Variants in RAB37 observed in about 807,000 individuals in gnomAD.
RAB37 encodes ras-related protein Rab-37.
A neutral mutation model predicts 33.1 loss-of-function variants in RAB37; 29 were observed. The ratio of observed to expected loss-of-function variants is 0.88; its 90% CI spans 0.65 to 1.20. The LOEUF (loss-of-function observed/expected upper bound fraction) is 1.20, where lower values mean the gene tolerates loss of function less well. Ranked by LOEUF, RAB37 falls within the 50% of genes most tolerant of loss-of-function variation. RAB37 has a pLI of 0.00. For missense variants in RAB37, 299 were observed against 301.1 expected, an observed-to-expected ratio of 0.99 and a Z score of 0.05; for synonymous variants, 128 against 119.5, an observed-to-expected ratio of 1.07 and a Z score of -0.47.
At position 74,707,576 on chromosome 17, in the gene RAB37, G is replaced by A. The variant is rs545803794; in HGVS notation, c.73-21680G>A. Among the ~76,000 whole-genome samples the A allele has an allele frequency of 2.6e-4, 39 of 152,166 alleles. No homozygotes were observed. The East Asian group carries it at 7.2e-3, about 28-fold the overall frequency. On this transcript the variant is annotated intron_variant, in intron 1 of 7. Transcript: ENST00000340415. ...CTAAAAATACAAAAATTAACCAGGT[G>A]TGGTGGAGTGCACCTGTAATCCCAG...
At chr17:74,743,437 C>A in intron 5 of RAB37, 97 bp downstream of exon 5, 1 of 1,214,860 alleles carries the variant, frequency 8.2e-7, no homozygotes, top group Non-Finnish European at 1.2e-6. Flanking sequence ...GCGGGTGGAG[C>A]GTGGAGTCCT....
chr17:74,743,749 C>G (rs1471460999), intron 5 of RAB37, among the ~76,000 whole-genome samples: 1 of 152,094 alleles, frequency 6.6e-6, no homozygotes, highest in African/African-American at 2.4e-5. Flanking sequence ...TCCTCACAAC[C>G]AAACTATTAT....
intron 1 of RAB37, among the ~76,000 whole-genome samples, chr17:74,739,391 C>A (rs539409850): frequency 6.6e-6 from 1 of 152,166 alleles, no homozygotes; most frequent in Non-Finnish European, 1.5e-5. Context: ...TACTCCTGCC[C>A]GCACTACCCA....
chr17:74,703,201 C>A (rs1196306801), intron 1 of RAB37: 9 of 1,410,202 alleles, frequency 6.4e-6, no homozygotes, highest in Non-Finnish European at 9.0e-6. Context: ...CATGAGCCCA[C>A]CCGCAGCCCT....
intron 1 of RAB37, among the ~76,000 whole-genome samples, chr17:74,717,044 A>T (rs2143999171): frequency 6.6e-6 from 1 of 152,316 alleles, no homozygotes; most frequent in Non-Finnish European, 1.5e-5. Flanking sequence ...CTGAGGCAGG[A>T]GAATCACTTG....
intron 1 of RAB37, among the ~76,000 whole-genome samples, chr17:74,716,898 G>C (rs755014155): frequency 7.9e-5 from 12 of 152,140 alleles, no homozygotes; most frequent in Non-Finnish European, 1.6e-4. Context: ...CTTTGGGAGG[G>C]CAAGGTAGGC....
At chr17:74,737,243 G>A (rs769313640), upstream of RAB37, 14 of 1,543,828 alleles carry the variant, frequency 9.1e-6, no homozygotes, top group East Asian at 2.1e-4. Flanking sequence ...TCGCCTGCGG[G>A]CCGGCACTGC....
At position 74,730,888 on chromosome 17, in the gene RAB37, G is replaced by A. The variant is rs768453328; in HGVS notation, c.183+1522G>A. ...CTAGCTTGGCAAGAAAATTGAGGCC[G>A]ATTTCCTGTGAAGGAAAAAGAAAGT... On this transcript the variant is annotated intron_variant, in intron 2 of 7. Transcript: ENST00000340415. This position sits in a 1 kb window ranked among gnomAD's most constrained non-coding sequence, Gnocchi z 4.4. Among the ~76,000 whole-genome samples the A allele has an allele frequency of 3.9e-5, 6 of 152,212 alleles. No individual in the cohort carries two copies. Among genetic ancestry groups the A allele is most frequent in the Non-Finnish European group, 8.8e-5 (6 of 68,042 alleles).
chr17:74,689,988 G>A (rs1411397113), intron 1 of RAB37, among the ~76,000 whole-genome samples: 4 of 152,128 alleles, frequency 2.6e-5, no homozygotes, highest in Admixed American at 1.3e-4. Flanking sequence ...GCCTCACTCT[G>A]TCCCTGAGGC....
chr17:74,734,230 G>A (rs2034433815), upstream of RAB37, among the ~76,000 whole-genome samples: 1 of 152,142 alleles, frequency 6.6e-6, no homozygotes, highest in African/African-American at 2.4e-5. Flanking sequence ...GCATTCCTTG[G>A]CTTGCAGCCA....
At chr17:74,700,069 G>C (rs751793053) in intron 1 of RAB37, among the ~76,000 whole-genome samples, 3 of 151,988 alleles carry the variant, frequency 2.0e-5, no homozygotes, top group Non-Finnish European at 4.4e-5. Flanking sequence ...TTGAACCCAG[G>C]AGGCGGAGGT....
At chr17:74,706,066 G>A (rs907892947) in intron 1 of RAB37, among the ~76,000 whole-genome samples, 3 of 152,186 alleles carry the variant, frequency 2.0e-5, no homozygotes, top group East Asian at 1.9e-4. Context: ...ACATAAAGAT[G>A]GGAACAACAG....
chr17:74,703,468 C>G (rs1466885664), intron 1 of RAB37, among the ~76,000 whole-genome samples: 1 of 152,140 alleles, frequency 6.6e-6, no homozygotes, highest in Admixed American at 6.5e-5. Context: ...ATCTCCACCC[C>G]CAGCCCTATT....
chr17:74,675,173 G>A (rs888851440), intron 1 of RAB37, among the ~76,000 whole-genome samples: 2 of 152,074 alleles, frequency 1.3e-5, no homozygotes, highest in African/African-American at 4.8e-5. Flanking sequence ...TATTGGCTGG[G>A]CGCAGTGGCT....
chr17:74,724,476 A>C (rs1243310098), intron 1 of RAB37, among the ~76,000 whole-genome samples: 1 of 152,228 alleles, frequency 6.6e-6, no homozygotes, highest in Non-Finnish European at 1.5e-5. Flanking sequence ...TTGGGGGCCT[A>C]AGATATTTTC....
intron 1 of RAB37, chr17:74,696,262 G>A: frequency 1.9e-6 from 3 of 1,578,276 alleles, no homozygotes; most frequent in Non-Finnish European, 2.6e-6. Flanking sequence ...CCATTCCCCA[G>A]ACTCACAAGA....
In RAB37 at chr17:74,742,209, C is replaced by T. The variant is rs2034635810; in HGVS notation, c.205-45C>T. 1.9e-6 allele frequency: 3 copies of T among 1,606,108 alleles called. No individual in the cohort carries two copies. The highest frequency in any genetic ancestry group is 1.3e-5 in the African/African-American group (1 of 74,662). On this transcript the variant is annotated intron_variant, in intron 2 of 8. Coordinates refer to ENST00000392613, the MANE Select transcript of RAB37 (RefSeq NM_001006638.3). The surrounding 1 kb of genome is among the most constrained non-coding windows in gnomAD (Gnocchi z 4.0). ...ACAGGACGTCTGCAGAGCTGAGGAG[C>T]CACATGACTCCTGCCCTCCCATCCT... is the stretch of plus-strand genomic sequence containing the variant.
At chr17:74,718,476 C>A (rs561549012) in intron 1 of RAB37, among the ~76,000 whole-genome samples, 3 of 152,152 alleles carry the variant, frequency 2.0e-5, no homozygotes, top group Non-Finnish European at 4.4e-5. Context: ...TTGCTACCTG[C>A]TCCTTGACAA....
At chr17:74,715,057 G>T (rs966751211) in intron 1 of RAB37, among the ~76,000 whole-genome samples, 5 of 152,234 alleles carry the variant, frequency 3.3e-5, no homozygotes, top group Admixed American at 2.0e-4. Context: ...AGGAGGTGGA[G>T]ATTGCAGTGA....
Sources: gnomAD v4.1 joint callset for allele counts (sites outside exome capture counted in the v4.1 genomes callset) on GRCh38, gnomAD v4.1.1 for gene constraint, Gnocchi (gnomAD v3.1) non-coding constraint, MANE v1.5 for transcripts, NCBI Gene and HGNC (gene_info 2026-07-23, HGNC 2026-07-21) for gene names.